NTRK2: variants seen among roughly 807,000 people sequenced by gnomAD.
NTRK2 encodes the protein neurotrophic receptor tyrosine kinase 2, also known as BDNF/NT-3 growth factors receptor.
A neutral mutation model predicts 94.5 loss-of-function variants in NTRK2; 13 were observed. The ratio of observed to expected loss-of-function variants is 0.14; its 90% CI spans 0.09 to 0.22. The LOEUF (loss-of-function observed/expected upper bound fraction) is 0.22. Ranked by LOEUF, NTRK2 falls within the 10% of genes least tolerant of loss-of-function variation. The pLI is 1.00. For missense variants in NTRK2, 639 were observed against 1,071.2 expected (o/e 0.60, Z 5.63); for synonymous variants, 372 against 407.4 (o/e 0.91, Z 1.05).
In NTRK2 at chr9:84,926,112, T is replaced by C. The variant is rs1195686675; in HGVS notation, c.1634-8050T>C. ...TCCTTCCTTCCTTCCTTCCTTTCCT[T>C]CCTTCCTTCCTTCCTTCCTTCCTTC... On this transcript the variant is annotated intron_variant, in intron 14 of 18. Transcript: ENST00000277120. Among the ~76,000 whole-genome samples, 301 of 41,860 alleles carry C rather than the reference T, an allele frequency of 7.2e-3. 3 individuals carry two copies. The highest frequency in any genetic ancestry group is 0.02 in the African/African-American group (283 of 14,328). 27.5% of individuals were successfully genotyped at this position (41,860 alleles called of 152,430 possible).
chr9:84,921,417 AC>A (rs2077563324), intron 14 of NTRK2, among the ~76,000 whole-genome samples: 1 of 152,142 alleles, frequency 6.6e-6, no homozygotes, highest in African/African-American at 2.4e-5. Flanking sequence ...CTCATAAACT[AC>A]TTTTAACACC....
chr9:84,701,653 C>T (rs1554697155), intron 2 of NTRK2, among the ~76,000 whole-genome samples: 1 of 151,920 alleles, frequency 6.6e-6, no homozygotes, highest in Non-Finnish European at 1.5e-5. Context: ...AGATGCTGGG[C>T]CAGGAAAATA....
At chr9:84,885,672 T>C (rs2076391835) in intron 14 of NTRK2, among the ~76,000 whole-genome samples, 1 of 152,188 alleles carries the variant, frequency 6.6e-6, no homozygotes, top group South Asian at 2.1e-4. Flanking sequence ...GTATTCAAAA[T>C]GGTTTTCCTA....
chr9:84,799,016 C>T (rs2070037373), intron 12 of NTRK2, among the ~76,000 whole-genome samples: 3 of 150,750 alleles, frequency 2.0e-5, no homozygotes, highest in Middle Eastern at 3.5e-3. Context: ...AAAACTGAGG[C>T]AACTTGCCCA....
intron 17 of NTRK2, among the ~76,000 whole-genome samples, chr9:84,995,790 G>A (rs1361392097): frequency 1.3e-5 from 2 of 152,140 alleles, no homozygotes; most frequent in East Asian, 1.9e-4. Context: ...ACAGAAACTC[G>A]AGGTCAGGTC....
rs62563861 is a variant in NTRK2, at chr9:84,894,162, T to G, written c.1633+26731T>G. Among the ~76,000 whole-genome samples the G allele has an allele frequency of 3.4e-3, 17 of 5,034 alleles. No homozygotes were observed. The East Asian group carries it at 0.041, about 12-fold the overall frequency. The allele number at this position is 5,034 out of a possible 152,430, so 3.3% of individuals were successfully genotyped here. A position where few individuals can be genotyped will look rare whatever the true frequency, so the allele number is the denominator to read the frequency against. On this transcript the variant is annotated intron_variant, in intron 14 of 18. Transcript: ENST00000277120. ...GGGTGTTTGGGTGTTACTTGACTAT[T>G]TGGGAGAATATATTTTTATAACACA... is the stretch of plus-strand genomic sequence containing the variant.
intron 2 of NTRK2, among the ~76,000 whole-genome samples, chr9:84,676,820 G>C: frequency 6.6e-6 from 1 of 152,210 alleles, no homozygotes; most frequent in East Asian, 1.9e-4. Context: ...GGGGAGACAA[G>C]TTTAACATGG....
intron 2 of NTRK2, among the ~76,000 whole-genome samples, chr9:84,682,535 G>A (rs1055879889): frequency 3.3e-5 from 5 of 151,966 alleles, no homozygotes; most frequent in Admixed American, 1.3e-4. Context: ...TTAGGGATAG[G>A]ATCCTATCTA....
At chr9:84,850,217 AAAC>A (rs1187591422) in intron 12 of NTRK2, among the ~76,000 whole-genome samples, 3 of 152,196 alleles carry the variant, frequency 2.0e-5, no homozygotes, top group Admixed American at 6.5e-5. Context: ...GGGAAAAAAA[AAAC>A]AAAAAAACAA....
chr9:85,013,243 G>A (rs1004632321), intron 17 of NTRK2, among the ~76,000 whole-genome samples: 3 of 152,172 alleles, frequency 2.0e-5, no homozygotes, highest in African/African-American at 7.2e-5. Flanking sequence ...TTTCCTGGAC[G>A]TGGTCATTGT....
intron 14 of NTRK2, among the ~76,000 whole-genome samples, chr9:84,869,114 C>T (rs1455841192): frequency 1.3e-5 from 2 of 152,164 alleles, no homozygotes; most frequent in Non-Finnish European, 2.9e-5. Flanking sequence ...GGCTACATGT[C>T]TGGAAGTGCT....
intron 14 of NTRK2, among the ~76,000 whole-genome samples, chr9:84,913,432 AT>A (rs1333592451): frequency 6.6e-6 from 1 of 152,164 alleles, no homozygotes; most frequent in Non-Finnish European, 1.5e-5. Flanking sequence ...AAAATGTATA[AT>A]TTTTGCTTCA....
intron 2 of NTRK2, 55 bp downstream of exon 2, chr9:84,671,015 G>T (rs1587820630): frequency 1.3e-6 from 2 of 1,549,216 alleles, no homozygotes; most frequent in African/African-American, 1.4e-5. Flanking sequence ...GCCCGAGCTG[G>T]CCAGGTGGGT....
intron 17 of NTRK2, among the ~76,000 whole-genome samples, chr9:85,001,643 A>T (rs1830351301): frequency 6.6e-6 from 1 of 152,230 alleles, no homozygotes; most frequent in Admixed American, 6.5e-5. Context: ...CTTCTGGAAC[A>T]TTCTATCAAA....
Position 85,022,098 on chromosome 9 carries a change from T to C in NTRK2, c.*661T>C, listed in dbSNP as rs2118042501. The C allele has an allele frequency of 4.3e-6, 1 of 233,458 alleles. No individual in the cohort carries two copies. The highest frequency in any genetic ancestry group is 6.0e-5 in the East Asian group (1 of 16,582). 14.5% of individuals were successfully genotyped at this position (233,458 alleles called of 1,614,324 possible). ...AGATTAAAACCAGAGAGAAAGAAGATTTATTATGAACCGCAATATGGGAGG... is the reference window on the plus strand; with the variant it reads ...AGATTAAAACCAGAGAGAAAGAAGACTTATTATGAACCGCAATATGGGAGG... On this transcript the variant is annotated 3_prime_UTR_variant, in exon 19 of 19. Transcript: ENST00000277120.
At chr9:84,733,005 C>T (rs2062996388) in intron 9 of NTRK2, among the ~76,000 whole-genome samples, 2 of 152,292 alleles carry the variant, frequency 1.3e-5, no homozygotes, top group East Asian at 3.9e-4. Context: ...CTCTGGACTG[C>T]AGGGGACACT....
chr9:84,835,754 C>G (rs1264722884), intron 12 of NTRK2, among the ~76,000 whole-genome samples: 1 of 152,168 alleles, frequency 6.6e-6, no homozygotes, highest in African/African-American at 2.4e-5. Context: ...TTCTGAAATC[C>G]TGTGTGTGAA....
intron 17 of NTRK2, among the ~76,000 whole-genome samples, chr9:85,004,327 C>A (rs1373817515): frequency 1.3e-5 from 2 of 152,126 alleles, no homozygotes; most frequent in Non-Finnish European, 2.9e-5. Context: ...CTTGTTCATT[C>A]TGTATAAGCC....
At chr9:84,696,726 C>G (rs2060400816) in intron 2 of NTRK2, among the ~76,000 whole-genome samples, 1 of 152,160 alleles carries the variant, frequency 6.6e-6, no homozygotes, top group Non-Finnish European at 1.5e-5. Flanking sequence ...AACTGCATGC[C>G]AACCGATGGA....
Sources: gnomAD v4.1 joint callset for allele counts (sites outside exome capture counted in the v4.1 genomes callset) on GRCh38, gnomAD v4.1.1 for gene constraint, MANE v1.5 for transcripts, NCBI Gene and HGNC (gene_info 2026-07-23, HGNC 2026-07-21) for gene names.